The following BACH2 variants were observed in gnomAD, a reference collection of about 807,000 sequenced individuals.
BACH2 encodes transcription regulator protein BACH2.
BACH2 carries 5 observed loss-of-function variants against 61.8 expected under a neutral mutation model. The observed-to-expected ratio is 0.08, with a 90% CI of 0.04 to 0.17. The LOEUF (loss-of-function observed/expected upper bound fraction) is 0.17, where lower values mean the gene tolerates loss of function less well. Ranked by LOEUF, BACH2 falls within the 10% of genes least tolerant of loss-of-function variation. BACH2 has a pLI of 1.00. For missense variants in BACH2, 824 were observed against 1,091.1 expected (o/e 0.76, Z 3.45); for synonymous variants, 446 against 440.1 (o/e 1.01, Z -0.17).
At position 89,938,217 on chromosome 6, in the gene BACH2, C is replaced by T; in HGVS notation, c.1970G>A (p.Arg657His). 3 of 1,614,242 alleles carry T rather than the reference C, an allele frequency of 1.9e-6. No individual in the cohort carries two copies. Among genetic ancestry groups the T allele is most frequent in the South Asian group, 1.1e-5 (1 of 91,084 alleles). ...TTTGCGGCAGCGCTGGGCCGCGATG[C>T]GGTTCTTGCTGCGCCGTCGGACATC... ...IHDVRRRSKN[R>H]IAAQRCRKRK... is the part of the protein sequence containing the mutation. The change falls in exon 8 of 9, where the codon CGC becomes CAC. Residue 657 changes from arginine (R) to histidine (H), a missense_variant. Physicochemically the swap from Arg to His is conservative, Grantham distance 29. Transcript: ENST00000257749.
intron 2 of BACH2, among the ~76,000 whole-genome samples, chr6:90,260,757 A>C (rs548249842): frequency 6.6e-6 from 1 of 152,362 alleles, no homozygotes; most frequent in South Asian, 2.1e-4. Context: ...AATACAAAAG[A>C]TATATTGAGA....
At chr6:90,272,994 G>A (rs766219202) in intron 1 of BACH2, among the ~76,000 whole-genome samples, 2 of 152,154 alleles carry the variant, frequency 1.3e-5, no homozygotes, top group Admixed American at 6.5e-5. Flanking sequence ...TAAGAACTCA[G>A]GCTCTGGATC....
At chr6:89,964,101 A>C (rs1036977345) in intron 6 of BACH2, among the ~76,000 whole-genome samples, 1 of 152,136 alleles carries the variant, frequency 6.6e-6, no homozygotes. Context: ...GATATACCTA[A>C]TGCTAGATGA....
intron 5 of BACH2, among the ~76,000 whole-genome samples, chr6:90,044,356 C>T (rs78470458): frequency 0.013 from 1,948 of 152,252 alleles, 38 homozygotes; most frequent in African/African-American, 0.045. Flanking sequence ...AATGGCCCTA[C>T]AGCAGGAGTA....
intron 4 of BACH2, among the ~76,000 whole-genome samples, chr6:90,165,648 C>A (rs1415596573): frequency 6.6e-6 from 1 of 152,140 alleles, no homozygotes; most frequent in Non-Finnish European, 1.5e-5. Flanking sequence ...CACTACCTGA[C>A]TTCAAACTAT....
intron 4 of BACH2, among the ~76,000 whole-genome samples, chr6:90,141,405 T>G (rs1784453683): frequency 6.6e-6 from 1 of 151,814 alleles, no homozygotes; most frequent in African/African-American, 2.4e-5. Context: ...AGTCACGAAC[T>G]CCTGACCTCA....
At chr6:90,041,776 G>A (rs1779547332) in intron 5 of BACH2, among the ~76,000 whole-genome samples, 1 of 152,010 alleles carries the variant, frequency 6.6e-6, no homozygotes, top group South Asian at 2.1e-4. Flanking sequence ...AATCAAGTCA[G>A]CTAAAGTTTC....
intron 5 of BACH2, among the ~76,000 whole-genome samples, chr6:90,023,320 C>T (rs948065361): frequency 2.0e-5 from 3 of 151,744 alleles, no homozygotes; most frequent in Admixed American, 2.0e-4. Flanking sequence ...TTAACACCAT[C>T]CCCCTTGGAG....
At chr6:90,023,057 C>T (rs765799832) in intron 5 of BACH2, among the ~76,000 whole-genome samples, 6 of 152,134 alleles carry the variant, frequency 3.9e-5, no homozygotes, top group East Asian at 1.9e-4. Flanking sequence ...CATGCAGCAA[C>T]GTGGAGGAGT....
chr6:90,024,835 A>T (rs1322826321), intron 5 of BACH2, among the ~76,000 whole-genome samples: 3 of 152,324 alleles, frequency 2.0e-5, no homozygotes, highest in Middle Eastern at 6.8e-3. Context: ...CAACTTTCAC[A>T]CATTAATGGA....
intron 3 of BACH2, among the ~76,000 whole-genome samples, chr6:90,238,228 G>A (rs766376067): frequency 3.3e-5 from 5 of 152,050 alleles, no homozygotes; most frequent in African/African-American, 9.7e-5. Context: ...TCGATCGATC[G>A]ATCATCTATC....
chr6:90,058,363 C>T (rs1460854806), intron 5 of BACH2, among the ~76,000 whole-genome samples: 3 of 152,194 alleles, frequency 2.0e-5, no homozygotes, highest in Non-Finnish European at 4.4e-5. Flanking sequence ...TGAGTGAACT[C>T]CCATTCACAA....
At chr6:90,002,775 TTAAACAAAAAAA>T (rs1344765529) in intron 6 of BACH2, among the ~76,000 whole-genome samples, 1 of 151,920 alleles carries the variant, frequency 6.6e-6, no homozygotes, top group Non-Finnish European at 1.5e-5. Context: ...GTCTCAAAAA[TTAAACAAAAAAA>T]TAAACAAAAC....
At chr6:90,013,366 A>T (rs1432188035) in intron 5 of BACH2, among the ~76,000 whole-genome samples, 2 of 152,084 alleles carry the variant, frequency 1.3e-5, no homozygotes, top group African/African-American at 4.8e-5. Flanking sequence ...GTATTCAACC[A>T]TTCACCATTT....
chr6:90,188,116 A>C (rs1434647608), intron 4 of BACH2, among the ~76,000 whole-genome samples: 1 of 152,220 alleles, frequency 6.6e-6, no homozygotes, highest in African/African-American at 2.4e-5. Context: ...AACATCCCTA[A>C]AACTTTCAGG....
intron 1 of BACH2, among the ~76,000 whole-genome samples, chr6:90,274,862 G>A (rs1194150183): frequency 2.0e-5 from 3 of 152,304 alleles, no homozygotes; most frequent in African/African-American, 7.2e-5. Flanking sequence ...AATACCTGGG[G>A]CACTGAAGAG....
chr6:89,951,132 C>T lies in BACH2; in HGVS notation c.974G>A (p.Gly325Glu), dbSNP rs746198587. Residue 325 changes from glycine (G) to glutamate (E), a missense_variant, in exon 7 of 9, where the codon GGG (glycine) becomes GAG (glutamate). This residue lies in a region of BACH2 where 226 missense variants were observed against 228.5 expected (regional missense o/e 0.99). Transcript: ENST00000257749. This position sits in a 1 kb window ranked among gnomAD's most constrained non-coding sequence, Gnocchi z 6.4. ...SPAPTPTAPA[G>E]AACLERSRSV... ...CCTGGATCTCTCCAGGCAGGCGGCC[C>T]CAGCTGGGGCCGTGGGGGTAGGGGC... The T allele has an allele frequency of 3.1e-6, 5 of 1,610,632 alleles. No homozygotes were observed. The Admixed American group carries it at 5.0e-5, about 16-fold the overall frequency.
intron 5 of BACH2, among the ~76,000 whole-genome samples, chr6:90,063,927 T>C (rs906256927): frequency 1.3e-5 from 2 of 152,236 alleles, no homozygotes; most frequent in Admixed American, 1.3e-4. Flanking sequence ...AATTAACTCT[T>C]TCTTTCTTGG....
At position 89,951,621 on chromosome 6, in the gene BACH2, T is replaced by G. The variant is rs765825161; in HGVS notation, c.485A>C (p.Glu162Ala). The change falls in exon 7 of 9, where the codon GAG (glutamate) becomes GCG (alanine). Residue 162 changes from glutamate to alanine, a missense_variant. By Grantham distance (107) the Glu-to-Ala change is moderately radical (BLOSUM62 -1). Transcript: ENST00000257749. This position sits in a 1 kb window ranked among gnomAD's most constrained non-coding sequence, Gnocchi z 6.4. ...PHEDCENSAGEEEDEEEETMD... is the reference protein window; with the variant it reads ...PHEDCENSAGAEEDEEEETMD... ...CGTCTCCTCCTCTTCATCCTCCTCC[T>G]CTCCTGCAGAGTTCTCGCAGTCCTC... 2 of 1,614,074 alleles carry G rather than the reference T, an allele frequency of 1.2e-6. No homozygotes were observed. The highest frequency in any genetic ancestry group is 3.3e-5 in the Admixed American group (2 of 60,016).
Sources: allele counts gnomAD v4.1 joint callset (sites outside exome capture counted in the v4.1 genomes callset), GRCh38; gene constraint gnomAD v4.1.1; regional missense constraint gnomAD v4.1.1; non-coding constraint Gnocchi (gnomAD v3.1); transcripts MANE v1.5; gene names NCBI Gene and HGNC (gene_info 2026-07-23, HGNC 2026-07-21).